Variants in SOX6 observed in about 807,000 individuals in gnomAD.
SOX6 encodes the protein SRY-box transcription factor 6, also known as transcription factor SOX-6.
In SOX6, 11 loss-of-function variants were observed where a neutral mutation model predicts 97.8. The observed-to-expected ratio is 0.11, with a 90% confidence interval of 0.07 to 0.19. The LOEUF (loss-of-function observed/expected upper bound fraction) is 0.19. SOX6 is among the 10% of genes least tolerant of loss of function. The pLI is 1.00. For synonymous variants in SOX6, 360 were observed against 371.4 expected, an observed-to-expected ratio of 0.97 and a Z score of 0.35; for missense variants, 810 against 1,039.5, an observed-to-expected ratio of 0.78 and a Z score of 3.04.
At chr11:16,154,578 C>A (rs116006816) in intron 6 of SOX6, among the ~76,000 whole-genome samples, 3 of 151,878 alleles carry the variant, frequency 2.0e-5, no homozygotes, top group African/African-American at 7.3e-5. Flanking sequence ...CACCTGTCTC[C>A]GAATTAAATT....
At chr11:16,044,038 G>T (rs1855754699) in intron 12 of SOX6, among the ~76,000 whole-genome samples, 1 of 152,162 alleles carries the variant, frequency 6.6e-6, no homozygotes, top group African/African-American at 2.4e-5. Context: ...CCTCTGCACA[G>T]TCCTGGGTTT....
intron 4 of SOX6, among the ~76,000 whole-genome samples, chr11:16,520,670 C>T (rs143409643): frequency 0.11 from 16,025 of 152,250 alleles, 912 homozygotes; most frequent in Non-Finnish European, 0.14. Context: ...CGAAGCAGGG[C>T]GAGGCATGGC....
At position 16,667,499 on chromosome 11, in the gene SOX6, C is replaced by A. The variant is rs1590045075; in HGVS notation, n.429+47331G>T. On this transcript the variant is annotated intron_variant and non_coding_transcript_variant, in intron 3 of 5. Coordinates refer to the SOX6 transcript ENST00000524520. ...TAGCAGCAGACTTTTCAGTGGAAAT[C>A]TTACAACCCAGGAGAGAGTGGCATG... Among the ~76,000 whole-genome samples, 5 of 150,882 alleles carry A rather than the reference C, an allele frequency of 3.3e-5. No homozygotes were observed. The South Asian group carries it at 1.0e-3, about 32-fold the overall frequency.
intron 4 of SOX6, among the ~76,000 whole-genome samples, chr11:16,190,622 T>C (rs2134112242): frequency 1.3e-5 from 2 of 152,274 alleles, no homozygotes; most frequent in Non-Finnish European, 2.9e-5. Context: ...TTTTGAATAG[T>C]GGCATTAAAA....
chr11:16,364,848 T>G (rs1857310254), intron 1 of SOX6, among the ~76,000 whole-genome samples: 2 of 152,068 alleles, frequency 1.3e-5, no homozygotes, highest in Admixed American at 6.6e-5. Flanking sequence ...AGATATGAAT[T>G]CAGATCCCAC....
At chr11:16,290,086 A>G (rs1000742145) in intron 3 of SOX6, among the ~76,000 whole-genome samples, 3 of 151,996 alleles carry the variant, frequency 2.0e-5, no homozygotes, top group Non-Finnish European at 2.9e-5. Context: ...TGTTTCGGTT[A>G]CTACCCTCAG....
intron 5 of SOX6, among the ~76,000 whole-genome samples, chr11:16,185,272 G>A (rs116499916): frequency 1.2e-3 from 187 of 152,270 alleles, no homozygotes; most frequent in African/African-American, 4.4e-3. Flanking sequence ...ATTTAATCAG[G>A]TTGGGATGGC....
chr11:16,716,016 G>A lies in SOX6; in HGVS notation n.354-1111C>T, dbSNP rs552308016. On this transcript the variant is annotated intron_variant and non_coding_transcript_variant, in intron 2 of 5. Coordinates refer to the SOX6 transcript ENST00000524520. ...TGGAAAGCCGAGGTGGGAGGATCAAGTACAGGCCAGGAGTTCAGGGACAGC... is the reference window on the plus strand; with the variant it reads ...TGGAAAGCCGAGGTGGGAGGATCAAATACAGGCCAGGAGTTCAGGGACAGC... Among the ~76,000 whole-genome samples, 6 of 152,214 alleles carry A rather than the reference G, an allele frequency of 3.9e-5. No homozygotes were observed. The East Asian group carries it at 9.7e-4, about 25-fold the overall frequency.
intron 4 of SOX6, among the ~76,000 whole-genome samples, chr11:16,491,888 A>G (rs1860514428): frequency 6.6e-6 from 1 of 152,190 alleles, no homozygotes. Flanking sequence ...ATGACTAGAG[A>G]TTCCGAACCT....
chr11:16,265,055 A>T (rs1854036469), intron 3 of SOX6, among the ~76,000 whole-genome samples: 1 of 151,822 alleles, frequency 6.6e-6, no homozygotes, highest in Admixed American at 6.6e-5. Flanking sequence ...CAGAGTCAAG[A>T]GATTGAACTA....
At chr11:16,158,840 T>A (rs1374740858) in intron 6 of SOX6, among the ~76,000 whole-genome samples, 1 of 151,592 alleles carries the variant, frequency 6.6e-6, no homozygotes, top group Non-Finnish European at 1.5e-5. Context: ...AATTCTTGCA[T>A]TAGTCCTATG....
intron 3 of SOX6, among the ~76,000 whole-genome samples, chr11:16,622,833 A>T (rs10766334): frequency 2.0e-5 from 3 of 152,176 alleles, no homozygotes; most frequent in Admixed American, 2.0e-4. Flanking sequence ...GTTGTTTAGG[A>T]AATCTCCACA....
chr11:15,985,198 G>C (rs1023734287), intron 15 of SOX6, among the ~76,000 whole-genome samples: 1 of 152,132 alleles, frequency 6.6e-6, no homozygotes, highest in African/African-American at 2.4e-5. Context: ...TTGTTCCACA[G>C]GGTTACCTCT....
chr11:16,142,770 A>C (rs1850179603), intron 6 of SOX6, among the ~76,000 whole-genome samples: 1 of 152,190 alleles, frequency 6.6e-6, no homozygotes, highest in Non-Finnish European at 1.5e-5. Flanking sequence ...GATCAAATGA[A>C]TGAAATGAAG....
At chr11:16,323,645 C>T (rs1269470914) in intron 2 of SOX6, among the ~76,000 whole-genome samples, 1 of 152,104 alleles carries the variant, frequency 6.6e-6, no homozygotes, top group African/African-American at 2.4e-5. Flanking sequence ...CTGGACCTCA[C>T]TATCATGCTA....
At chr11:16,461,008 CTG>C (rs1294982934) in intron 1 of SOX6, among the ~76,000 whole-genome samples, 1 of 152,036 alleles carries the variant, frequency 6.6e-6, no homozygotes, top group African/African-American at 2.4e-5. Context: ...TCCTTTAAAA[CTG>C]TGTCTTTTTC....
chr11:16,040,235 T>TAC (rs1292491937), intron 12 of SOX6, among the ~76,000 whole-genome samples: 2 of 152,056 alleles, frequency 1.3e-5, no homozygotes, highest in African/African-American at 4.8e-5. Context: ...CTTGAACTTG[T>TAC]ACACTTATAT....
At chr11:16,381,434 T>C (rs764703250) in intron 1 of SOX6, among the ~76,000 whole-genome samples, 6 of 151,996 alleles carry the variant, frequency 3.9e-5, no homozygotes, top group Non-Finnish European at 5.9e-5. Context: ...CTGAGAAAAT[T>C]AAAAGTGTTG....
intron 4 of SOX6, among the ~76,000 whole-genome samples, chr11:16,546,038 G>C (rs1283007649): frequency 6.6e-6 from 1 of 151,924 alleles, no homozygotes; most frequent in African/African-American, 2.4e-5. Context: ...AAAATCAGTA[G>C]CAATTCTATG....
Sources: allele counts gnomAD v4.1 joint callset (sites outside exome capture counted in the v4.1 genomes callset), GRCh38; gene constraint gnomAD v4.1.1; transcripts MANE v1.5; gene names NCBI Gene and HGNC (gene_info 2026-07-23, HGNC 2026-07-21).